The following KIF26B variants were observed in gnomAD, a reference collection of about 807,000 sequenced individuals.
KIF26B encodes the protein kinesin-like protein KIF26B.
A neutral mutation model predicts 151.2 loss-of-function variants in KIF26B; 63 were observed. The observed-to-expected ratio is 0.42, with a 90% CI of 0.34 to 0.51. The LOEUF (loss-of-function observed/expected upper bound fraction) is 0.51, where lower values mean the gene tolerates loss of function less well. Among genes scored for constraint, KIF26B ranks in the 20% least tolerant of loss-of-function variants. The probability of loss-of-function intolerance (pLI) is 0.07; values close to 1 mark genes in which losing one functional copy is unlikely to be tolerated. For synonymous variants in KIF26B, 1,357 were observed against 1,262.1 expected (o/e 1.08, Z -1.59); for missense variants, 2,813 against 2,913.6 (o/e 0.97, Z 0.79).
intron 2 of KIF26B, among the ~76,000 whole-genome samples, chr1:245,168,118 A>G (rs1668644542): frequency 6.6e-6 from 1 of 152,188 alleles, no homozygotes. Flanking sequence ...AGCTTCTCCC[A>G]AGCCTGTGAG....
Position 245,686,234 on chromosome 1 carries a change from C to T in KIF26B, c.3251C>T (p.Ser1084Phe). Reference sequence around the variant, plus strand: ...ACCTCGGAGTACAAGCCACCCAGCTCTCCTTCCCAGAGATGCAAAGTCTAC... The same window carrying T: ...ACCTCGGAGTACAAGCCACCCAGCTTTCCTTCCCAGAGATGCAAAGTCTAC... ...SKTSEYKPPS[S>F]PSQRCKVYTQ... The change falls in exon 12 of 15, where the codon TCT (serine) becomes TTT (phenylalanine). Residue 1084 changes from serine (S) to phenylalanine (F), a missense_variant. Ser to Phe is a radical substitution (Grantham distance 155). This residue lies in a region of KIF26B where 2,060 missense variants were observed against 2,088.6 expected (regional missense o/e 0.99). Transcript: ENST00000407071. This position sits in a 1 kb window ranked among gnomAD's most constrained non-coding sequence, Gnocchi z 5.6. The T allele has an allele frequency of 1.2e-6, 2 of 1,612,774 alleles. No individual in the cohort carries two copies. The highest frequency in any genetic ancestry group is 1.7e-6 in the Non-Finnish European group (2 of 1,179,892).
chr1:245,479,200 A>G (rs915474720), intron 4 of KIF26B, among the ~76,000 whole-genome samples: 1 of 151,844 alleles, frequency 6.6e-6, no homozygotes, highest in Non-Finnish European at 1.5e-5. Context: ...GAGTAAGATC[A>G]CTAAGGCTCC....
At chr1:245,451,502 G>A (rs12048827) in intron 4 of KIF26B, among the ~76,000 whole-genome samples, 35,533 of 146,636 alleles carry the variant, frequency 0.24, 4,320 homozygotes, top group East Asian at 0.32. Flanking sequence ...GTTAGTTAAT[G>A]TATAGCCAAT....
intron 3 of KIF26B, among the ~76,000 whole-genome samples, chr1:245,409,763 C>G (rs952774578): frequency 6.6e-6 from 1 of 152,310 alleles, no homozygotes; most frequent in African/African-American, 2.4e-5. Context: ...ATCTGTCTGA[C>G]TCAAGGCCAG....
intron 11 of KIF26B, 106 bp downstream of exon 11, chr1:245,684,501 T>C (rs976381572): frequency 8.4e-6 from 10 of 1,188,858 alleles, no homozygotes; most frequent in Non-Finnish European, 1.2e-6. Context: ...TCCCCCAGCA[T>C]CAGGAGATGT....
In KIF26B at chr1:245,524,332, T is replaced by A. The variant is rs1661192068; in HGVS notation, c.1167-16435T>A. Among the ~76,000 whole-genome samples, 3 of 152,236 alleles carry A rather than the reference T, an allele frequency of 2.0e-5. No individual in the cohort carries two copies. The South Asian group carries it at 6.2e-4, about 32-fold the overall frequency. On this transcript the variant is annotated intron_variant, in intron 4 of 14. Coordinates refer to ENST00000407071, the MANE Select transcript of KIF26B (RefSeq NM_018012.4). ...CGTTATTTTCATCCACATCAAAGTA[T>A]GTGGCAGAGGCAGGATTTGAACCAA...
intron 5 of KIF26B, among the ~76,000 whole-genome samples, chr1:245,593,329 AG>A (rs1369994836): frequency 2.0e-5 from 3 of 150,382 alleles, no homozygotes; most frequent in Non-Finnish European, 3.0e-5. Flanking sequence ...CTAGCTCCCC[AG>A]CCCCCAACAG....
rs115875285 is a variant in KIF26B at position 245,646,699 on chromosome 1, T to C, written c.2258+419T>C. Among the ~76,000 whole-genome samples the C allele has an allele frequency of 3.6e-3, 545 of 152,160 alleles. 2 individuals carry two copies. Among genetic ancestry groups the C allele is most frequent in the African/African-American group, 0.012 (504 of 41,506 alleles). ...ATAGGATATCCAGGCAAATTCAAAT[T>C]TCAGATAACCAACAAATAAGGTTGT... On this transcript the variant is annotated intron_variant, in intron 10 of 14. Coordinates refer to ENST00000407071, the MANE Select transcript of KIF26B (RefSeq NM_018012.4).
chr1:245,602,967 G>A lies in KIF26B; in HGVS notation c.1557+184G>A, dbSNP rs1234385711. On this transcript the variant is annotated intron_variant, in intron 6 of 14. Coordinates refer to ENST00000407071, the MANE Select transcript of KIF26B (RefSeq NM_018012.4). The surrounding 1 kb of genome is among the most constrained non-coding windows in gnomAD (Gnocchi z 4.5). The stretch of plus-strand genomic sequence containing the variant: ...TTTGAATTACTGGTGTCAGACCTTG[G>A]GCAGGATCAGTGTGCACAGATTTCA... Among the ~76,000 whole-genome samples, 1 of 152,072 alleles carries A rather than the reference G, an allele frequency of 6.6e-6. No homozygotes were observed. Among genetic ancestry groups the A allele is most frequent in the Non-Finnish European group, 1.5e-5 (1 of 68,012 alleles).
intron 4 of KIF26B, among the ~76,000 whole-genome samples, chr1:245,517,013 T>C (rs888267603): frequency 6.6e-6 from 1 of 152,186 alleles, no homozygotes; most frequent in African/African-American, 2.4e-5. Flanking sequence ...AATTAGTAAG[T>C]GTAGGCAAAC....
chr1:245,399,254 G>T (rs1305571120), intron 3 of KIF26B, among the ~76,000 whole-genome samples: 1 of 151,872 alleles, frequency 6.6e-6, no homozygotes, highest in African/African-American at 2.4e-5. Flanking sequence ...TCTTATTTAG[G>T]GTACATCTCA....
intron 3 of KIF26B, among the ~76,000 whole-genome samples, chr1:245,392,521 C>T (rs1673724846): frequency 6.6e-6 from 1 of 152,172 alleles, no homozygotes; most frequent in South Asian, 2.1e-4. Flanking sequence ...GGTTAGATGT[C>T]ATTTTCCTCA....
chr1:245,665,470 AAG>A (rs1339163008), intron 10 of KIF26B, among the ~76,000 whole-genome samples: 3 of 152,220 alleles, frequency 2.0e-5, no homozygotes, highest in Admixed American at 6.5e-5. Context: ...ACAGGCAGCA[AAG>A]AGAGAACCGC....
chr1:245,646,047 A>C, intron 9 of KIF26B, 74 bp from the exon 10 acceptor site: 4 of 1,483,240 alleles, frequency 2.7e-6, no homozygotes, highest in Non-Finnish European at 2.7e-6. Flanking sequence ...AGATTTCCCA[A>C]GGAGCTACAT....
chr1:245,369,168 T>TGAGAGA lies in KIF26B; in HGVS notation c.999+1826_999+1831dup, dbSNP rs112848389. Among the ~76,000 whole-genome samples, 867 of 135,842 alleles carry TGAGAGA rather than the reference T, an allele frequency of 6.4e-3. 5 individuals carry two copies. Among genetic ancestry groups the TGAGAGA allele is most frequent in the Non-Finnish European group, 9.4e-3 (567 of 60,452 alleles). 89.1% of individuals were successfully genotyped at this position (135,842 alleles called of 152,430 possible). On this transcript the variant is annotated intron_variant, in intron 3 of 14. Coordinates refer to ENST00000407071, the MANE Select transcript of KIF26B (RefSeq NM_018012.4). ...ACTCTGAATTGGGAAAAAAGAAGAG[T>TGAGAGA]GAGAGAGAGAGAGAGAGAGAGAGAG...
At chr1:245,633,559 C>T (rs898092141) in intron 9 of KIF26B, among the ~76,000 whole-genome samples, 4 of 152,024 alleles carry the variant, frequency 2.6e-5, no homozygotes, top group African/African-American at 7.2e-5. Flanking sequence ...CGTATTCTCA[C>T]GGTGGTAGTT....
At chr1:245,262,308 G>C (rs1455987331) in intron 2 of KIF26B, among the ~76,000 whole-genome samples, 2 of 152,170 alleles carry the variant, frequency 1.3e-5, no homozygotes, top group African/African-American at 4.8e-5. Context: ...TCCTTGGTGA[G>C]AGCTGCTTCT....
chr1:245,617,078 CTGTT>C (rs1203881614), intron 9 of KIF26B, among the ~76,000 whole-genome samples: 1 of 145,766 alleles, frequency 6.9e-6, no homozygotes, highest in African/African-American at 2.5e-5. Flanking sequence ...ACTCTTTAAT[CTGTT>C]TTTTTGTTTG....
intron 2 of KIF26B, among the ~76,000 whole-genome samples, chr1:245,268,911 G>A (rs1436632346): frequency 6.6e-6 from 1 of 152,116 alleles, no homozygotes; most frequent in Non-Finnish European, 1.5e-5. Flanking sequence ...GCGGACAACT[G>A]CTTTGTGTGT....
Sources: gnomAD v4.1 joint callset for allele counts (sites outside exome capture counted in the v4.1 genomes callset) on GRCh38, gnomAD v4.1.1 for gene constraint, gnomAD v4.1.1 regional missense constraint, Gnocchi (gnomAD v3.1) non-coding constraint, MANE v1.5 for transcripts, NCBI Gene and HGNC (gene_info 2026-07-23, HGNC 2026-07-21) for gene names.